SMC1A: variants seen among roughly 807,000 people sequenced by gnomAD.
SMC1A encodes the protein structural maintenance of chromosomes protein 1A.
SMC1A carries 4 observed loss-of-function variants against 94.5 expected under a neutral mutation model. That is an observed-to-expected ratio of 0.04 (90% CI 0.02 to 0.10). The LOEUF is 0.10. Among genes scored for constraint, SMC1A ranks in the 10% least tolerant of loss-of-function variants. SMC1A has a pLI of 1.00. For synonymous variants in SMC1A, 345 were observed against 347.7 expected, an observed-to-expected ratio of 0.99 and a Z score of 0.09; for missense variants, 304 against 989.0, an observed-to-expected ratio of 0.31 and a Z score of 9.29.
In SMC1A at chrX:53,382,985, T is replaced by C. The variant is rs1325576688; in HGVS notation, c.3130+112A>G. On this transcript the variant is annotated intron_variant, in intron 20 of 24. Transcript: ENST00000322213. ...CCTACTGTTTAGGGCTCCTGAGAGT[T>C]TTAAGTAAGAAAACATGTCAGAACA... The C allele has an allele frequency of 1.2e-5, 10 of 810,118 alleles. No homozygotes were observed. In the Admixed American group the frequency reaches 1.3e-4, roughly 11 times the overall value. 66.8% of individuals were successfully genotyped at this position (810,118 alleles called of 1,213,427 possible). A position where few individuals can be genotyped will look rare whatever the true frequency, so the allele number is the denominator to read the frequency against.
At chrX:53,406,998 T>A (rs900567243) in intron 9 of SMC1A, among the ~76,000 whole-genome samples, 1 of 112,105 alleles carries the variant, frequency 8.9e-6, no homozygotes, top group Non-Finnish European at 1.9e-5. Context: ...GCTCCCAGCA[T>A]CTTTCTATTT....
At position 53,380,012 on chromosome X, in the gene SMC1A, G is replaced by T; in HGVS notation, c.*91C>A. 1.6e-6 allele frequency: 1 copy of T among 633,559 alleles called. No individual in the cohort carries two copies. The highest frequency in any genetic ancestry group is 2.3e-5 in the South Asian group (1 of 43,420). 52.2% of individuals were successfully genotyped at this position (633,559 alleles called of 1,213,427 possible). A position where few individuals can be genotyped will look rare whatever the true frequency, so the allele number is the denominator to read the frequency against. On this transcript the variant is annotated 3_prime_UTR_variant, in exon 25 of 25. Coordinates refer to ENST00000322213, the MANE Select transcript of SMC1A (RefSeq NM_006306.4). ...CCCATGACTACACCAAAAAGGGCCA[G>T]GAGGTAGGGGGAAGGTTGGGAGTCA...
At chrX:53,384,999 A>G (rs1471955560) in intron 19 of SMC1A, among the ~76,000 whole-genome samples, 1 of 109,837 alleles carries the variant, frequency 9.1e-6, no homozygotes, top group Admixed American at 9.8e-5. Flanking sequence ...AAAAATATAT[A>G]TATATATATG....
chrX:53,385,024 T>A (rs1556886317), intron 19 of SMC1A, among the ~76,000 whole-genome samples: 1 of 109,285 alleles, frequency 9.2e-6, no homozygotes, highest in African/African-American at 3.3e-5. Flanking sequence ...TAGTAGCAAT[T>A]GTGTGTGTAT....
chrX:53,387,740 G>C (rs1413630401), intron 19 of SMC1A, among the ~76,000 whole-genome samples: 1 of 111,579 alleles, frequency 9.0e-6, no homozygotes, highest in East Asian at 2.8e-4. Flanking sequence ...CCAGGGTTGT[G>C]TTGAAATGAT....
chrX:53,412,832 G>C (rs2075718093), intron 5 of SMC1A, 68 bp downstream of exon 5: 1 of 1,207,869 alleles, frequency 8.3e-7, no homozygotes, highest in East Asian at 3.0e-5. Flanking sequence ...TCCGGGCTCA[G>C]AGGAACCCTA....
chrX:53,408,875 A>G (rs2075700825), intron 9 of SMC1A, among the ~76,000 whole-genome samples, 187 bp downstream of exon 9: 2 of 106,205 alleles, frequency 1.9e-5, no homozygotes. Context: ...ACATGAGCTC[A>G]GGAGAACAAG....
At chrX:53,390,793 C>A (rs1172354677) in intron 19 of SMC1A, among the ~76,000 whole-genome samples, 1 of 104,659 alleles carries the variant, frequency 9.6e-6, no homozygotes, top group African/African-American at 3.5e-5. Flanking sequence ...GAGATCGATA[C>A]CATCCTGGCT....
intron 1 of SMC1A, chrX:53,421,985 G>C (rs374732964): frequency 8.3e-7 from 1 of 1,209,899 alleles, no homozygotes. Flanking sequence ...GCCGCCTCCA[G>C]AGAAGAGTAG....
intron 16 of SMC1A, among the ~76,000 whole-genome samples, chrX:53,397,723 T>C (rs1484624655): frequency 3.6e-5 from 4 of 112,206 alleles, no homozygotes; most frequent in Non-Finnish European, 7.5e-5. Flanking sequence ...ATCTTGGTGA[T>C]GGGTAGATAG....
intron 19 of SMC1A, 47 bp downstream of exon 19, chrX:53,394,731 T>TGCCCCCCCCCCCCCC: frequency 2.4e-6 from 1 of 416,233 alleles, no homozygotes; most frequent in Non-Finnish European, 4.4e-6. Context: ...ATAGTCCCAC[T>TGCCCCCCCCCCCCCC]CCCACCCAAC....
rs1556886131 is a variant in SMC1A, at chrX:53,383,182, A to G, written c.3045T>C (p.Ser1015=). 1.7e-6 allele frequency: 2 copies of G among 1,195,679 alleles called. No homozygotes were observed. The highest frequency in any genetic ancestry group is 6.0e-5 in the East Asian group (2 of 33,453). ...TGGGGGCGGCAATACGCTGAAGCAC[A>G]CTCTGCTGCTCATTCAGCTTCTGCT... is the stretch of plus-strand genomic sequence containing the variant. ...TLQQKLNEQQ[S]VLQRIAAPNM... is the part of the protein sequence containing the mutation. Residue 1015 remains serine (S), a synonymous_variant, in exon 20 of 25, where the codon AGT becomes AGC. Coordinates refer to ENST00000322213, the MANE Select transcript of SMC1A (RefSeq NM_006306.4).
In SMC1A at chrX:53,420,136, G is replaced by A. The variant is rs961881745; in HGVS notation, c.109+2356C>T. ...ACAGGCATGGGTTCTGAGAACCACG[G>A]ACAAGTTATCACACCTCTGTGCCTT... On this transcript the variant is annotated intron_variant, in intron 1 of 24. Transcript: ENST00000322213. Among the ~76,000 whole-genome samples the A allele has an allele frequency of 1.1e-4, 12 of 112,361 alleles. 1 individual carries two copies. The highest frequency in any genetic ancestry group is 1.9e-5 in the Non-Finnish European group (1 of 53,323).
chrX:53,413,659 T>C (rs933935111), intron 3 of SMC1A, among the ~76,000 whole-genome samples: 2 of 111,305 alleles, frequency 1.8e-5, no homozygotes, highest in African/African-American at 6.5e-5. Flanking sequence ...AGAAGCAGCA[T>C]AGGAAAAGGA....
intron 19 of SMC1A, among the ~76,000 whole-genome samples, chrX:53,388,176 TAAC>T (rs2075612814): frequency 9.0e-6 from 1 of 111,025 alleles, no homozygotes; most frequent in Admixed American, 9.6e-5. Flanking sequence ...CTGATGGAAG[TAAC>T]ACCACCAGCT....
Position 53,409,188 on chromosome X carries a change from G to A in SMC1A, c.1419C>T (p.Ile473=), listed in dbSNP as rs1052684238. ...VEMAKRRIDE[I]NKELNQVMEQ... ...CCATCACCTGGTTCAGCTCCTTATT[G>A]ATTTCATCAATACGCCGCTTGGCCA... Residue 473 remains isoleucine (I), a synonymous_variant, in exon 9 of 25, where the codon ATC becomes ATT. Coordinates refer to ENST00000322213, the MANE Select transcript of SMC1A (RefSeq NM_006306.4). The A allele has an allele frequency of 7.4e-6, 9 of 1,211,469 alleles. No homozygotes were observed. Among genetic ancestry groups the A allele is most frequent in the Non-Finnish European group, 1.0e-5 (9 of 895,358 alleles).
intron 7 of SMC1A, among the ~76,000 whole-genome samples, chrX:53,411,416 CCT>C (rs782106344): frequency 1.8e-5 from 2 of 110,196 alleles, no homozygotes; most frequent in African/African-American, 6.6e-5. Flanking sequence ...GTAGTGAAAC[CCT>C]GTCTCTACTA....
intron 7 of SMC1A, among the ~76,000 whole-genome samples, 157 bp downstream of exon 7, chrX:53,411,603 CA>C (rs782700332): frequency 9.2e-6 from 1 of 108,408 alleles, no homozygotes; most frequent in East Asian, 2.9e-4. Context: ...AACAAAAAAA[CA>C]AAAAAAAAGA....
Position 53,383,213 on chromosome X carries a change from G to A in SMC1A, c.3014C>T (p.Thr1005Ile). The change falls in exon 20 of 25, where the codon ACA (threonine) becomes ATA (isoleucine). Residue 1005 changes from threonine to isoleucine, a missense_variant. By Grantham distance (89) the Thr-to-Ile change is moderately conservative. Around this residue, in one of 11 missense-constraint regions of SMC1A, gnomAD observed 17 missense variants for 44.7 expected, o/e 0.38. Coordinates refer to ENST00000322213, the MANE Select transcript of SMC1A (RefSeq NM_006306.4). ...AEEEIKQEMNTLQQKLNEQQS... is the reference protein window; with the variant it reads ...AEEEIKQEMNILQQKLNEQQS... Reference sequence around the variant, plus strand: ...CTGCTCATTCAGCTTCTGCTGCAGTGTGTTCATCTCTTGCTTGATCTCTTC... The same window carrying A: ...CTGCTCATTCAGCTTCTGCTGCAGTATGTTCATCTCTTGCTTGATCTCTTC... 3 of 1,186,163 alleles carry A rather than the reference G, an allele frequency of 2.5e-6. No homozygotes were observed. The highest frequency in any genetic ancestry group is 3.4e-6 in the Non-Finnish European group (3 of 880,763).
Sources: allele counts gnomAD v4.1 joint callset (sites outside exome capture counted in the v4.1 genomes callset), GRCh38; gene constraint gnomAD v4.1.1; regional missense constraint gnomAD v4.1.1; transcripts MANE v1.5; gene names NCBI Gene and HGNC (gene_info 2026-07-23, HGNC 2026-07-21).